The following HIGD1C variants were observed in gnomAD, a reference collection of about 807,000 sequenced individuals.
The protein encoded by HIGD1C is HIG1 domain family member 1C.
In HIGD1C, 11 loss-of-function variants were observed where a neutral mutation model predicts 13.1. The observed-to-expected ratio is 0.84, with a 90% CI of 0.53 to 1.39. The LOEUF (loss-of-function observed/expected upper bound fraction) is 1.39. HIGD1C is among the 40% of genes most tolerant of loss of function. HIGD1C has a pLI of 0.00. For synonymous variants in HIGD1C, 36 were observed against 37.7 expected, an observed-to-expected ratio of 0.95 and a Z score of 0.17; for missense variants, 110 against 112.0, an observed-to-expected ratio of 0.98 and a Z score of 0.08.
chr12:50,933,859 G>A, the HIGD1C span, among the ~76,000 whole-genome samples: 157 of 152,288 alleles, frequency 1.0e-3, 1 homozygote, highest in African/African-American at 3.3e-3. Flanking sequence ...ATCCATGACC[G>A]ATCAGATCAA....
At chr12:50,970,454 C>T (rs1159220817) in exon 3 of HIGD1C, 3 of 1,500,454 alleles carry the variant, frequency 2.0e-6, no homozygotes, top group Non-Finnish European at 2.7e-6. Flanking sequence ...GTTCTCTATT[C>T]TATGTATAAG....
upstream of HIGD1C, among the ~76,000 whole-genome samples, chr12:50,952,662 C>T (rs958603000): frequency 6.6e-6 from 1 of 152,122 alleles, no homozygotes; most frequent in Non-Finnish European, 1.5e-5. Flanking sequence ...CCCCTGGGCG[C>T]GTGTGCAGCT....
chr12:50,965,614 C>A (rs948150604), intron 2 of HIGD1C, among the ~76,000 whole-genome samples: 1 of 152,122 alleles, frequency 6.6e-6, no homozygotes. Context: ...AGACCCACAG[C>A]AAAACTCCAT....
chr12:50,952,059 ATT>A (rs141699945), upstream of HIGD1C, among the ~76,000 whole-genome samples: 5,979 of 136,674 alleles, frequency 0.044, 382 homozygotes, highest in African/African-American at 0.15. Flanking sequence ...TAGACCAGAA[ATT>A]TTTTTTTTTT....
At chr12:50,961,182 T>C in intron 2 of HIGD1C, 80 bp downstream of exon 4, 4 of 1,408,410 alleles carry the variant, frequency 2.8e-6, no homozygotes, top group Non-Finnish European at 2.9e-6. Flanking sequence ...TAGTAGAAGA[T>C]GAATGTTGGG....
exon 3 of HIGD1C, chr12:50,970,473 T>A: frequency 6.5e-7 from 1 of 1,532,564 alleles, no homozygotes; most frequent in Non-Finnish European, 8.9e-7. Flanking sequence ...AGGATTACAT[T>A]AGACCACGAT....
upstream of HIGD1C, among the ~76,000 whole-genome samples, chr12:50,950,502 A>T (rs1044863805): frequency 6.6e-6 from 1 of 151,974 alleles, no homozygotes; most frequent in Admixed American, 6.6e-5. Context: ...ATGCCTACTA[A>T]TAAATGGTTG....
intron 1 of HIGD1C, among the ~76,000 whole-genome samples, chr12:50,954,667 G>A (rs11169627): frequency 0.18 from 27,655 of 151,716 alleles, 2,883 homozygotes; most frequent in East Asian, 0.5. Flanking sequence ...TGCAGGTTGC[G>A]GTGAGCCAAG....
chr12:50,941,595 A>G, the HIGD1C span, among the ~76,000 whole-genome samples: 130 of 152,348 alleles, frequency 8.5e-4, no homozygotes, highest in East Asian at 0.022. Context: ...TCCTCTCTCT[A>G]GAAAAATGCT....
chr12:50,972,195 A>ATTTC (rs142737411), downstream of HIGD1C, among the ~76,000 whole-genome samples: 56 of 152,370 alleles, frequency 3.7e-4, no homozygotes, highest in Non-Finnish European at 7.3e-4. Context: ...CACTGGAAAT[A>ATTTC]TTCTACCTTC....
chr12:50,953,921 T>C (rs755946071), upstream of HIGD1C: 33 of 811,294 alleles, frequency 4.1e-5, no homozygotes, highest in Middle Eastern at 2.3e-4. Context: ...ATCAAGAGTA[T>C]GATGGGAGAG....
the HIGD1C span, among the ~76,000 whole-genome samples, chr12:50,944,402 TC>T: frequency 6.6e-6 from 1 of 152,292 alleles, no homozygotes; most frequent in East Asian, 1.9e-4. Flanking sequence ...CTGTAATGAA[TC>T]CCAGCACTTT....
the HIGD1C span, chr12:50,932,580 G>C: frequency 6.6e-6 from 1 of 152,106 alleles, no homozygotes; most frequent in East Asian, 1.9e-4. Flanking sequence ...CTTCATTGTG[G>C]AAATTTTAGC....
rs528726718 is a variant in HIGD1C, at chr12:50,958,628, G to A, written c.95-2340G>A. On this transcript the variant is annotated intron_variant, in intron 1 of 2. Transcript: ENST00000398455. ...AGATAAAAGTGGAAAGAATCACTCT[G>A]GCTGATATTAAGGCTTACTATATTG... is the stretch of plus-strand genomic sequence containing the variant. 5.3e-5 allele frequency among the ~76,000 whole-genome samples: 8 copies of A among 152,128 alleles called. No homozygotes were observed. In the East Asian group the frequency reaches 1.6e-3, roughly 30 times the overall value.
At chr12:50,949,275 T>C (rs960574424), upstream of HIGD1C, 1 of 154,266 alleles carries the variant, frequency 6.5e-6, no homozygotes, top group Middle Eastern at 5.3e-4. Context: ...TGCCATGGCT[T>C]TCAGGAAATT....
At chr12:50,951,577 C>T (rs1162452642), upstream of HIGD1C, among the ~76,000 whole-genome samples, 6 of 151,886 alleles carry the variant, frequency 4.0e-5, no homozygotes, top group African/African-American at 1.2e-4. Flanking sequence ...GGGGAGGGGA[C>T]GGGAACACAG....
chr12:50,968,855 T>C (rs972335155), intron 2 of HIGD1C, among the ~76,000 whole-genome samples: 2 of 152,018 alleles, frequency 1.3e-5, no homozygotes, highest in African/African-American at 2.4e-5. Context: ...ATTTTTTTAT[T>C]TTTTTGTAGA....
the HIGD1C span, among the ~76,000 whole-genome samples, chr12:50,947,721 C>T: frequency 4.2e-3 from 635 of 152,256 alleles, 18 homozygotes; most frequent in Admixed American, 0.036. Flanking sequence ...TTCTGCCTGC[C>T]ACATCAGCGA....
chr12:50,952,970 A>G (rs1280141439), upstream of HIGD1C, among the ~76,000 whole-genome samples: 2 of 152,190 alleles, frequency 1.3e-5, no homozygotes, highest in Non-Finnish European at 2.9e-5. Context: ...AGACTTAAGC[A>G]AATGCATCTT....
Sources: gnomAD v4.1 joint callset for allele counts (sites outside exome capture counted in the v4.1 genomes callset) on GRCh38, gnomAD v4.1.1 for gene constraint, MANE v1.5 for transcripts, NCBI Gene and HGNC (gene_info 2026-07-23, HGNC 2026-07-21) for gene names.